Variants in DHRSX observed in about 807,000 individuals in gnomAD.
DHRSX encodes the protein dehydrogenase/reductase X-linked.
A neutral mutation model predicts 34.0 loss-of-function variants in DHRSX; 31 were observed. The ratio of observed to expected loss-of-function variants is 0.91; its 90% CI spans 0.69 to 1.23. The LOEUF (loss-of-function observed/expected upper bound fraction) is 1.23. DHRSX is among the 50% of genes most tolerant of loss of function. DHRSX has a pLI of 0.00. For synonymous variants in DHRSX, 201 were observed against 183.8 expected (o/e 1.09, Z -0.76); for missense variants, 414 against 428.1 (o/e 0.97, Z 0.29).
At chrX:2,500,654 G>GCCC (rs546772121) in intron 1 of DHRSX, 163 bp downstream of exon 1, 2 of 126,686 alleles carry the variant, frequency 1.6e-5, no homozygotes, top group Admixed American at 7.7e-5. Context: ...CGCGCACGCC[G>GCCC]CCCCCCCCCC....
chrX:2,261,214 AAAAAT>A (rs199618031), intron 5 of DHRSX, among the ~76,000 whole-genome samples: 3,855 of 152,120 alleles, frequency 0.025, 182 homozygotes, highest in African/African-American at 0.088. Context: ...GTCTCTTTCA[AAAAAT>A]AAAATAAAAT....
chrX:2,409,720 T>A (rs1415993758), intron 2 of DHRSX, among the ~76,000 whole-genome samples: 1 of 151,422 alleles, frequency 6.6e-6, no homozygotes, highest in Non-Finnish European at 1.5e-5. Flanking sequence ...GGTTTTTTTG[T>A]TTTGTTTTTT....
chrX:2,488,083 G>C (rs749030283), intron 1 of DHRSX: 1 of 152,274 alleles, frequency 6.6e-6, no homozygotes, highest in African/African-American at 2.4e-5. Context: ...TCTGCTGCAC[G>C]CAATTCCCAA....
intron 1 of DHRSX, among the ~76,000 whole-genome samples, chrX:2,431,375 G>A (rs1373095752): frequency 2.0e-5 from 3 of 151,604 alleles, no homozygotes; most frequent in African/African-American, 7.3e-5. Context: ...GTCCAATCCG[G>A]AGTTGACAGA....
At chrX:2,475,120 AGG>A (rs1404432506) in intron 1 of DHRSX, among the ~76,000 whole-genome samples, 1 of 142,352 alleles carries the variant, frequency 7.0e-6, no homozygotes, top group African/African-American at 2.9e-5. Context: ...AATGCAACCA[AGG>A]GACCACTGCT....
intron 3 of DHRSX, among the ~76,000 whole-genome samples, chrX:2,364,985 A>C: frequency 6.6e-6 from 1 of 152,238 alleles, no homozygotes; most frequent in East Asian, 1.9e-4. Flanking sequence ...AACTGAGCAA[A>C]ATTTCGCCTC....
At chrX:2,322,602 C>CA (rs1353015019) in intron 3 of DHRSX, among the ~76,000 whole-genome samples, 2 of 149,724 alleles carry the variant, frequency 1.3e-5, no homozygotes, top group Non-Finnish European at 3.0e-5. Flanking sequence ...TTTTGATTCT[C>CA]AAAGTTCCTT....
intron 6 of DHRSX, among the ~76,000 whole-genome samples, chrX:2,238,686 C>T (rs1489034610): frequency 8.6e-5 from 13 of 151,298 alleles, no homozygotes; most frequent in East Asian, 1.9e-4. Flanking sequence ...CAGGTTCAAG[C>T]GATTCCCCTG....
intron 1 of DHRSX, among the ~76,000 whole-genome samples, chrX:2,493,638 T>C (rs981988450): frequency 6.6e-6 from 1 of 151,678 alleles, no homozygotes; most frequent in Non-Finnish European, 1.5e-5. Flanking sequence ...TTGTTATTAT[T>C]ATTAGGCTGA....
At chrX:2,236,712 G>C (rs776522647) in intron 6 of DHRSX, among the ~76,000 whole-genome samples, 1 of 152,222 alleles carries the variant, frequency 6.6e-6, no homozygotes, top group Admixed American at 6.5e-5. Flanking sequence ...GATGACAGGT[G>C]TGAGCCACTG....
chrX:2,433,127 C>G (rs965678914), intron 1 of DHRSX, among the ~76,000 whole-genome samples: 10 of 151,804 alleles, frequency 6.6e-5, no homozygotes, highest in Non-Finnish European at 1.2e-4. Flanking sequence ...AAAAAAAAAT[C>G]ACATGGTAAA....
intron 3 of DHRSX, among the ~76,000 whole-genome samples, chrX:2,399,743 C>A (rs7391795): frequency 0.51 from 27,632 of 53,842 alleles, 5,972 homozygotes; most frequent in East Asian, 0.67. Flanking sequence ...AAAAAAAAAA[C>A]AAAAAAACAC....
At chrX:2,445,626 C>T (rs2044121241) in intron 1 of DHRSX, among the ~76,000 whole-genome samples, 1 of 151,986 alleles carries the variant, frequency 6.6e-6, no homozygotes, top group Non-Finnish European at 1.5e-5. Context: ...GAAGAGGTTC[C>T]CTAAGAATGC....
intron 5 of DHRSX, among the ~76,000 whole-genome samples, chrX:2,262,921 T>G (rs2041383709): frequency 2.0e-5 from 3 of 152,206 alleles, no homozygotes. Context: ...CGGCCCTCCC[T>G]TCGTTACATC....
At chrX:2,423,902 G>T (rs1349081620) in intron 2 of DHRSX, among the ~76,000 whole-genome samples, 2 of 152,168 alleles carry the variant, frequency 1.3e-5, no homozygotes, top group African/African-American at 4.8e-5. Context: ...AAATCAAACC[G>T]TGAGTGTCTA....
chrX:2,319,078 C>T (rs1686373356), intron 3 of DHRSX, among the ~76,000 whole-genome samples: 1 of 152,128 alleles, frequency 6.6e-6, no homozygotes, highest in Non-Finnish European at 1.5e-5. Context: ...ATTTCCACAT[C>T]TTTTAAACAG....
At chrX:2,357,901 C>T (rs1360651076) in intron 3 of DHRSX, among the ~76,000 whole-genome samples, 1 of 152,086 alleles carries the variant, frequency 6.6e-6, no homozygotes, top group Non-Finnish European at 1.5e-5. Flanking sequence ...ATGTACATCA[C>T]TGGGGTGTGG....
intron 1 of DHRSX, among the ~76,000 whole-genome samples, chrX:2,456,099 C>A (rs1207500461): frequency 6.6e-6 from 1 of 152,102 alleles, no homozygotes; most frequent in Non-Finnish European, 1.5e-5. Flanking sequence ...CCACAGCATC[C>A]TCACCAGCCT....
At chrX:2,274,585 CTT>C (rs35716727) in intron 4 of DHRSX, among the ~76,000 whole-genome samples, 19 of 129,104 alleles carry the variant, frequency 1.5e-4, no homozygotes, top group Non-Finnish European at 2.5e-4. Flanking sequence ...CCCGGCTAAA[CTT>C]TTTTTTTTTT....
Sources: allele counts gnomAD v4.1 joint callset (sites outside exome capture counted in the v4.1 genomes callset), GRCh38; gene constraint gnomAD v4.1.1; transcripts MANE v1.5; gene names NCBI Gene and HGNC (gene_info 2026-07-23, HGNC 2026-07-21).